SLCO6A1: variants seen among roughly 807,000 people sequenced by gnomAD.
SLCO6A1 encodes the protein solute carrier organic anion transporter family member 6A1.
SLCO6A1 carries 65 observed loss-of-function variants against 72.7 expected under a neutral mutation model. The ratio of observed to expected loss-of-function variants is 0.89; its 90% confidence interval spans 0.73 to 1.10. SLCO6A1 has a LOEUF of 1.10. SLCO6A1 is among the 50% of genes least tolerant of loss of function. The pLI is 0.00. For missense variants in SLCO6A1, 874 were observed against 872.6 expected, an observed-to-expected ratio of 1.00 and a Z score of -0.02; for synonymous variants, 314 against 298.2, an observed-to-expected ratio of 1.05 and a Z score of -0.55.
intron 1 of SLCO6A1, among the ~76,000 whole-genome samples, chr5:102,490,425 A>T (rs140808666): frequency 1.3e-5 from 2 of 152,354 alleles, no homozygotes; most frequent in East Asian, 3.9e-4. Flanking sequence ...TGCTAAAGAC[A>T]TGTATTAGTC....
chr5:102,440,163 T>G (rs1267353763), intron 6 of SLCO6A1, among the ~76,000 whole-genome samples: 1 of 152,138 alleles, frequency 6.6e-6, no homozygotes, highest in Non-Finnish European at 1.5e-5. Context: ...CAAAAAACTA[T>G]AGAGCAAACA....
chr5:102,425,760 A>G (rs1203584067), intron 7 of SLCO6A1, among the ~76,000 whole-genome samples: 2 of 152,168 alleles, frequency 1.3e-5, no homozygotes, highest in African/African-American at 4.8e-5. Flanking sequence ...ACAGAATTAG[A>G]GAAAACTACT....
chr5:102,409,255 T>C (rs1747840857), intron 9 of SLCO6A1, among the ~76,000 whole-genome samples: 1 of 152,144 alleles, frequency 6.6e-6, no homozygotes, highest in South Asian at 2.1e-4. Context: ...AGGTATAGTA[T>C]TTCCTACTAC....
rs192231843 is a variant in SLCO6A1, at chr5:102,385,744, G to A, written c.2017+2944C>T. 1.1e-4 allele frequency among the ~76,000 whole-genome samples: 16 copies of A among 150,664 alleles called. No individual in the cohort carries two copies. In the East Asian group the frequency reaches 1.8e-3, roughly 17 times the overall value. On this transcript the variant is annotated intron_variant, in intron 12 of 13. Transcript: ENST00000506729. ...ATTTTGTTTAGCTGTCTGTGTACTCGTGTAGCTTATTGAGCTTCAAGATGA... is the reference window on the plus strand; with the variant it reads ...ATTTTGTTTAGCTGTCTGTGTACTCATGTAGCTTATTGAGCTTCAAGATGA...
At chr5:102,478,278 A>G (rs868181180) in intron 2 of SLCO6A1, among the ~76,000 whole-genome samples, 12 of 152,190 alleles carry the variant, frequency 7.9e-5, no homozygotes, top group African/African-American at 2.7e-4. Flanking sequence ...ATGTTTGTAT[A>G]TATATGCATT....
rs146144316 is a variant in SLCO6A1 at position 102,480,379 on chromosome 5, T to C, written c.414A>G (p.Gln138=). 4.2e-5 allele frequency: 68 copies of C among 1,613,334 alleles called. No individual in the cohort carries two copies. In the African/African-American group the frequency reaches 7.9e-4, roughly 19 times the overall value. Residue 138 remains glutamine (Q), a synonymous_variant, in exon 2 of 14, where the codon CAA becomes CAG. Transcript: ENST00000506729. ...ATGCCAACTTCTCAATGGTTTTCAG[T>C]TGATATTCCTTCTGAAAATCGCCAA... The part of the protein sequence containing the change: ...VSIGDFQKEY[Q]LKTIEKLALE...
intron 9 of SLCO6A1, among the ~76,000 whole-genome samples, chr5:102,407,096 T>C (rs557026991): frequency 2.0e-4 from 30 of 152,162 alleles, no homozygotes; most frequent in Non-Finnish European, 3.8e-4. Flanking sequence ...GGCTCAAACA[T>C]TGGACCAAAT....
intron 6 of SLCO6A1, among the ~76,000 whole-genome samples, chr5:102,456,037 C>T: frequency 6.6e-6 from 1 of 152,148 alleles, no homozygotes; most frequent in East Asian, 1.9e-4. Context: ...CAGAAAAGGC[C>T]TTTGACAAAA....
intron 6 of SLCO6A1, among the ~76,000 whole-genome samples, chr5:102,455,269 T>C (rs1215137184): frequency 4.0e-5 from 6 of 151,868 alleles, no homozygotes; most frequent in African/African-American, 1.5e-4. Context: ...GAAAATGGGA[T>C]AGGAAAATTC....
At chr5:102,441,273 G>A (rs537089009) in intron 6 of SLCO6A1, among the ~76,000 whole-genome samples, 50 of 152,136 alleles carry the variant, frequency 3.3e-4, no homozygotes, top group Non-Finnish European at 6.8e-4. Context: ...TACATAATAG[G>A]AGGTAGAAAT....
chr5:102,395,127 T>C (rs1041247016), intron 10 of SLCO6A1, among the ~76,000 whole-genome samples: 2 of 152,096 alleles, frequency 1.3e-5, no homozygotes, highest in Non-Finnish European at 2.9e-5. Context: ...GTCATGTTGG[T>C]GTGATGCACC....
intron 10 of SLCO6A1, among the ~76,000 whole-genome samples, chr5:102,394,815 G>A (rs955791272): frequency 1.3e-5 from 2 of 151,860 alleles, no homozygotes; most frequent in Non-Finnish European, 2.9e-5. Context: ...AACACTGAAA[G>A]TATAAAAAAG....
intron 12 of SLCO6A1, among the ~76,000 whole-genome samples, chr5:102,386,829 T>C (rs1746444698): frequency 6.6e-6 from 1 of 152,196 alleles, no homozygotes; most frequent in Non-Finnish European, 1.5e-5. Flanking sequence ...AGCTGTATTT[T>C]ACTGAGACAG....
chr5:102,386,704 C>T (rs981951420), intron 12 of SLCO6A1, among the ~76,000 whole-genome samples: 2 of 152,140 alleles, frequency 1.3e-5, no homozygotes, highest in African/African-American at 4.8e-5. Context: ...GGGGCATAGT[C>T]TGTGGGTGCC....
At chr5:102,466,272 C>T (rs768833827) in intron 4 of SLCO6A1, among the ~76,000 whole-genome samples, 63 of 151,862 alleles carry the variant, frequency 4.1e-4, no homozygotes, top group Admixed American at 2.0e-3. Flanking sequence ...AGAAAATATA[C>T]GGTATTTGGT....
intron 1 of SLCO6A1, among the ~76,000 whole-genome samples, chr5:102,485,360 C>T (rs1752403318): frequency 6.6e-6 from 1 of 152,008 alleles, no homozygotes. Context: ...AAGCTCTAAG[C>T]CCTTGGAATA....
intron 4 of SLCO6A1, among the ~76,000 whole-genome samples, chr5:102,464,136 A>G (rs1297467477): frequency 6.6e-6 from 1 of 151,898 alleles, no homozygotes; most frequent in Non-Finnish European, 1.5e-5. Context: ...AGAAATAACC[A>G]CTAAAGAACT....
intron 1 of SLCO6A1, among the ~76,000 whole-genome samples, chr5:102,494,287 A>T (rs1044963262): frequency 6.6e-6 from 1 of 152,176 alleles, no homozygotes; most frequent in Non-Finnish European, 1.5e-5. Context: ...TTCACAATGG[A>T]TCAGAGACCT....
At chr5:102,479,913 C>T (rs537499874) in intron 2 of SLCO6A1, among the ~76,000 whole-genome samples, 20 of 152,152 alleles carry the variant, frequency 1.3e-4, no homozygotes, top group Non-Finnish European at 2.1e-4. Context: ...CTAGGGATCA[C>T]AGTACTGAGC....
Sources: gnomAD v4.1 joint callset for allele counts (sites outside exome capture counted in the v4.1 genomes callset) on GRCh38, gnomAD v4.1.1 for gene constraint, MANE v1.5 for transcripts, NCBI Gene and HGNC (gene_info 2026-07-23, HGNC 2026-07-21) for gene names.